The following SFI1 variants were observed in gnomAD, a reference collection of about 807,000 sequenced individuals.
The protein encoded by SFI1 is SFI1 centrin binding protein.
SFI1 carries 195 observed loss-of-function variants against 207.5 expected under a neutral mutation model. The ratio of observed to expected loss-of-function variants is 0.94; its 90% CI spans 0.84 to 1.06. The LOEUF (loss-of-function observed/expected upper bound fraction) is 1.06, where lower values mean the gene tolerates loss of function less well. Ranked by LOEUF, SFI1 falls within the 50% of genes least tolerant of loss-of-function variation. The pLI is 0.00. For synonymous variants in SFI1, 630 were observed against 598.9 expected (o/e 1.05, Z -0.76); for missense variants, 1,634 against 1,588.0 (o/e 1.03, Z -0.49).
intron 9 of SFI1, among the ~76,000 whole-genome samples, chr22:31,574,971 A>AT (rs1448030143): frequency 5.3e-5 from 8 of 151,738 alleles, no homozygotes; most frequent in Non-Finnish European, 1.2e-4. Context: ...AGGCAGGAGA[A>AT]TCGCTGGAAC....
intron 4 of SFI1, among the ~76,000 whole-genome samples, chr22:31,533,201 ATGT>A (rs1202906969): frequency 6.6e-6 from 1 of 152,150 alleles, no homozygotes; most frequent in Admixed American, 6.6e-5. Context: ...TGACCTATGA[ATGT>A]TATCTACAAA....
Position 31,615,205 on chromosome 22 carries a change from G to A in SFI1, c.3226G>A (p.Ala1076Thr). 1 of 1,578,074 alleles carries A rather than the reference G, an allele frequency of 6.3e-7. No homozygotes were observed. Among genetic ancestry groups the A allele is most frequent in the Non-Finnish European group, 8.6e-7 (1 of 1,166,516 alleles). ...CCCTGGCCCGAAGCAGCCCCCGACGGCAAGCACAGGCCCGGAGCTGCTGCT... is the reference window on the plus strand; with the variant it reads ...CCCTGGCCCGAAGCAGCCCCCGACGACAAGCACAGGCCCGGAGCTGCTGCT... ...SAPGPKQPPT[A>T]STGPELLLLP... The change falls in exon 29 of 33, where the codon GCA (alanine) becomes ACA (threonine). Residue 1076 changes from alanine to threonine, a missense_variant. Transcript: ENST00000400288.
chr22:31,562,779 G>C (rs371143691), intron 8 of SFI1, among the ~76,000 whole-genome samples: 1 of 150,280 alleles, frequency 6.7e-6, no homozygotes. Flanking sequence ...GACTGCAGGT[G>C]CCCGCCACCA....
chr22:31,593,998 GAGA>G (rs1569421803), intron 15 of SFI1, among the ~76,000 whole-genome samples: 1,338 of 83,534 alleles, frequency 0.016, 11 homozygotes, highest in Middle Eastern at 0.037. Context: ...GAGGGAGAGG[GAGA>G]GGGACAGGGA....
chr22:31,589,338 C>A lies in SFI1; in HGVS notation c.1414-109C>A, dbSNP rs533941892. On this transcript the variant is annotated intron_variant, in intron 14 of 32. Coordinates refer to ENST00000400288, the MANE Select transcript of SFI1 (RefSeq NM_001007467.3). ...ATAATAAATAATGATTCATCTTTTT[C>A]TCATTTTTATTATATAGGAAGCAAT... 30 of 1,051,704 alleles carry A rather than the reference C, an allele frequency of 2.9e-5. No individual in the cohort carries two copies. The East Asian group carries it at 8.0e-4, about 28-fold the overall frequency. The allele number at this position is 1,051,704 out of a possible 1,614,324, so 65.1% of individuals were successfully genotyped here.
chr22:31,540,770 G>C (rs891045523), intron 4 of SFI1, among the ~76,000 whole-genome samples: 2 of 151,714 alleles, frequency 1.3e-5, no homozygotes, highest in Non-Finnish European at 2.9e-5. Context: ...TAGTAGAGAT[G>C]GGGGTCTCGC....
chr22:31,599,776 C>A (rs983027380), intron 15 of SFI1, among the ~76,000 whole-genome samples: 1 of 151,700 alleles, frequency 6.6e-6, no homozygotes, highest in African/African-American at 2.4e-5. Flanking sequence ...ATGCCTGGCC[C>A]AGTTCTGTTT....
At chr22:31,562,232 G>A (rs62237767) in intron 8 of SFI1, among the ~76,000 whole-genome samples, 8,777 of 152,098 alleles carry the variant, frequency 0.058, 238 homozygotes, top group Non-Finnish European at 0.066. Flanking sequence ...AGCAGTGTAG[G>A]GTAGTTGTAA....
intron 12 of SFI1, among the ~76,000 whole-genome samples, chr22:31,582,620 T>C (rs1370421911): frequency 6.6e-6 from 1 of 152,158 alleles, no homozygotes; most frequent in East Asian, 1.9e-4. Flanking sequence ...TTTTTAAGTG[T>C]ACAGTTCAGT....
At chr22:31,506,482 A>C (rs950991702) in intron 1 of SFI1, among the ~76,000 whole-genome samples, 1 of 152,206 alleles carries the variant, frequency 6.6e-6, no homozygotes, top group Non-Finnish European at 1.5e-5. Flanking sequence ...AGGGAAGTTG[A>C]AGGTGCTGAA....
intron 2 of SFI1, among the ~76,000 whole-genome samples, chr22:31,522,430 C>G (rs563420498): frequency 6.6e-6 from 1 of 152,256 alleles, no homozygotes; most frequent in South Asian, 2.1e-4. Context: ...TCACCACTAT[C>G]CATACCCAAA....
At chr22:31,544,172 T>C (rs904811158) in intron 4 of SFI1, among the ~76,000 whole-genome samples, 21 of 152,122 alleles carry the variant, frequency 1.4e-4, no homozygotes, top group African/African-American at 2.4e-5. Context: ...TTGGGTGATA[T>C]AGCAAGACTG....
intron 5 of SFI1, among the ~76,000 whole-genome samples, chr22:31,548,835 GAATGTT>G (rs1308582673): frequency 1.3e-5 from 2 of 151,614 alleles, no homozygotes; most frequent in Non-Finnish European, 2.9e-5. Context: ...TTTTTTAAAT[GAATGTT>G]AATAAAATAT....
At chr22:31,599,912 G>A (rs2067838123) in intron 15 of SFI1, among the ~76,000 whole-genome samples, 1 of 150,538 alleles carries the variant, frequency 6.6e-6, no homozygotes, top group South Asian at 2.1e-4. Context: ...AAATCATAGT[G>A]GGGATTCACT....
intron 1 of SFI1, among the ~76,000 whole-genome samples, chr22:31,499,769 A>G (rs1280015675): frequency 6.6e-6 from 1 of 151,466 alleles, no homozygotes; most frequent in Admixed American, 6.6e-5. Flanking sequence ...CGGGCGGATT[A>G]CCTGAGGTCA....
At chr22:31,569,231 A>T (rs1457338777) in intron 8 of SFI1, among the ~76,000 whole-genome samples, 1 of 152,098 alleles carries the variant, frequency 6.6e-6, no homozygotes, top group Non-Finnish European at 1.5e-5. Context: ...AGGTGAGAGG[A>T]TGGTGGGAAA....
rs1466402216 is a variant in SFI1, at chr22:31,611,216, G to A, written c.2328G>A (p.Glu776=). ...CAGCCCAGCAGAGACTGCAGCTGGA[G>A]AGGGCAGTGCAACACCACCACCGGC... The part of the protein sequence containing the change: ...RRSAQQRLQL[E]RAVQHHHRQL... Residue 776 remains glutamate, a synonymous_variant, in exon 23 of 33, where the codon GAG becomes GAA. Transcript: ENST00000400288. The A allele has an allele frequency of 6.2e-7, 1 of 1,614,020 alleles. No individual in the cohort carries two copies. The highest frequency in any genetic ancestry group is 8.5e-7 in the Non-Finnish European group (1 of 1,180,038).
intron 11 of SFI1, among the ~76,000 whole-genome samples, chr22:31,579,159 A>C (rs2146038753): frequency 6.6e-6 from 1 of 151,622 alleles, no homozygotes; most frequent in South Asian, 2.1e-4. Flanking sequence ...TACTATTATT[A>C]TTAGAGATAG....
At chr22:31,503,897 T>A (rs2054226660) in intron 1 of SFI1, among the ~76,000 whole-genome samples, 1 of 145,846 alleles carries the variant, frequency 6.9e-6, no homozygotes, top group Non-Finnish European at 1.5e-5. Context: ...CCATGTTTTG[T>A]ATTTGATTAT....
Sources: gnomAD v4.1 joint callset for allele counts (sites outside exome capture counted in the v4.1 genomes callset) on GRCh38, gnomAD v4.1.1 for gene constraint, MANE v1.5 for transcripts, NCBI Gene and HGNC (gene_info 2026-07-23, HGNC 2026-07-21) for gene names.